Variants in CDC73 observed in about 807,000 individuals in gnomAD.
CDC73 encodes cell division cycle 73, also known as parafibromin.
In CDC73, 21 loss-of-function variants were observed where a neutral mutation model predicts 83.7. The ratio of observed to expected loss-of-function variants is 0.25; its 90% CI spans 0.18 to 0.36. The LOEUF (loss-of-function observed/expected upper bound fraction) is 0.36, where lower values mean the gene tolerates loss of function less well. Among genes scored for constraint, CDC73 ranks in the 10% least tolerant of loss-of-function variants. The pLI, the probability that CDC73 is intolerant of heterozygous loss-of-function variation, is 1.00. For synonymous variants in CDC73, 224 were observed against 212.9 expected, an observed-to-expected ratio of 1.05 and a Z score of -0.45; for missense variants, 342 against 653.3, an observed-to-expected ratio of 0.52 and a Z score of 5.19.
chr1:193,226,576 T>C (rs1677571028), intron 13 of CDC73, among the ~76,000 whole-genome samples: 1 of 152,230 alleles, frequency 6.6e-6, no homozygotes, highest in African/African-American at 2.4e-5. Flanking sequence ...ATTGAGATGA[T>C]CATGTGATTT....
At chr1:193,221,968 T>C (rs896770470) in intron 13 of CDC73, among the ~76,000 whole-genome samples, 2 of 152,170 alleles carry the variant, frequency 1.3e-5, no homozygotes, top group African/African-American at 2.4e-5. Flanking sequence ...GCAAATAGCA[T>C]AGATTCTATT....
intron 3 of CDC73, among the ~76,000 whole-genome samples, chr1:193,132,794 A>T (rs1675718385): frequency 6.6e-6 from 1 of 151,812 alleles, no homozygotes; most frequent in Admixed American, 6.6e-5. Context: ...GGTGAGCCTG[A>T]TAAATAGGCT....
chr1:193,130,001 A>G (rs982378350), intron 2 of CDC73, among the ~76,000 whole-genome samples, 173 bp from the exon 3 acceptor site: 3 of 152,006 alleles, frequency 2.0e-5, no homozygotes, highest in African/African-American at 7.3e-5. Flanking sequence ...ATGTTTAATA[A>G]ATTTTCAGGA....
intron 10 of CDC73, among the ~76,000 whole-genome samples, chr1:193,187,340 C>T (rs548128334): frequency 2.6e-5 from 4 of 152,152 alleles, no homozygotes; most frequent in Admixed American, 1.3e-4. Context: ...AGATATAGCA[C>T]ACTTGTACAG....
intron 15 of CDC73, among the ~76,000 whole-genome samples, chr1:193,247,025 T>C (rs1002334993): frequency 9.2e-5 from 14 of 152,142 alleles, no homozygotes. Context: ...ATCAGTGCCT[T>C]TGCAAGGTTT....
intron 10 of CDC73, among the ~76,000 whole-genome samples, chr1:193,196,843 T>C (rs539211681): frequency 1.3e-5 from 2 of 152,314 alleles, no homozygotes; most frequent in African/African-American, 4.8e-5. Context: ...ATATAACTTT[T>C]TTGGTGTCAT....
chr1:193,167,145 G>A (rs995306903), intron 10 of CDC73, among the ~76,000 whole-genome samples: 1 of 152,156 alleles, frequency 6.6e-6, no homozygotes. Context: ...AAATAGTGTA[G>A]TAGAATTCTT....
intron 13 of CDC73, among the ~76,000 whole-genome samples, chr1:193,216,968 C>T (rs1677378549): frequency 6.6e-6 from 1 of 152,166 alleles, no homozygotes; most frequent in Non-Finnish European, 1.5e-5. Context: ...TATGACAGTC[C>T]TACAGCCAAC....
In CDC73 at chr1:193,247,731, C is replaced by G. The variant is rs150737701; in HGVS notation, c.1418-1999C>G. Among the ~76,000 whole-genome samples, 12 of 152,144 alleles carry G rather than the reference C, an allele frequency of 7.9e-5. No homozygotes were observed. The East Asian group carries it at 2.3e-3, about 29-fold the overall frequency. On this transcript the variant is annotated intron_variant, in intron 15 of 16. Transcript: ENST00000367435. ...GGGAAAGCTTGATTGGTATGGAAAG[C>G]AGATCAAACCAGCCATAATATTCTG...
intron 1 of CDC73, among the ~76,000 whole-genome samples, chr1:193,124,742 A>G (rs1381648605): frequency 6.6e-6 from 1 of 152,198 alleles, no homozygotes; most frequent in Non-Finnish European, 1.5e-5. Context: ...TTTTACATTT[A>G]GCACCAGTGA....
chr1:193,171,855 A>G (rs1676522442), intron 10 of CDC73, among the ~76,000 whole-genome samples: 1 of 152,210 alleles, frequency 6.6e-6, no homozygotes, highest in Non-Finnish European at 1.5e-5. Flanking sequence ...TAATAAATGA[A>G]AAAAAGATGT....
chr1:193,155,204 G>T (rs1676185785), intron 10 of CDC73, among the ~76,000 whole-genome samples: 1 of 152,198 alleles, frequency 6.6e-6, no homozygotes, highest in African/African-American at 2.4e-5. Flanking sequence ...ATGGGTTAGT[G>T]AAAGTTTTTA....
At chr1:193,146,083 G>A (rs1675995662) in intron 7 of CDC73, among the ~76,000 whole-genome samples, 1 of 152,138 alleles carries the variant, frequency 6.6e-6, no homozygotes, top group African/African-American at 2.4e-5. Context: ...TCCCAGCCAA[G>A]GAAACAGAAT....
At chr1:193,173,506 T>C (rs1676554037) in intron 10 of CDC73, among the ~76,000 whole-genome samples, 1 of 152,198 alleles carries the variant, frequency 6.6e-6, no homozygotes, top group African/African-American at 2.4e-5. Flanking sequence ...ATAAATAATA[T>C]TGATGTAATC....
chr1:193,248,902 C>T lies in CDC73; in HGVS notation c.1418-828C>T, dbSNP rs531521332. ...TAGAATTCACTCCAGTGAGCACTTT[C>T]GTGAAGATGCCATAAACGTTGTTGA... On this transcript the variant is annotated intron_variant, in intron 15 of 16. Transcript: ENST00000367435. Among the ~76,000 whole-genome samples the T allele has an allele frequency of 2.3e-4, 35 of 152,040 alleles. No homozygotes were observed. In the South Asian group the frequency reaches 6.2e-3, roughly 27 times the overall value.
intron 6 of CDC73, among the ~76,000 whole-genome samples, chr1:193,141,637 A>C (rs1292626121): frequency 6.6e-6 from 1 of 152,208 alleles, no homozygotes; most frequent in Non-Finnish European, 1.5e-5. Flanking sequence ...CTTCTAAGAA[A>C]TTACTAATTT....
intron 10 of CDC73, among the ~76,000 whole-genome samples, chr1:193,197,312 A>G (rs1677017733): frequency 6.6e-6 from 1 of 152,142 alleles, no homozygotes; most frequent in Admixed American, 6.6e-5. Context: ...CATGGTATAT[A>G]ATACTTTTAA....
At chr1:193,201,820 A>G (rs990962554) in intron 10 of CDC73, among the ~76,000 whole-genome samples, 3 of 152,112 alleles carry the variant, frequency 2.0e-5, no homozygotes, top group African/African-American at 7.2e-5. Context: ...GTTATATAAT[A>G]CAGGTGTACA....
intron 10 of CDC73, among the ~76,000 whole-genome samples, chr1:193,161,581 AAT>A (rs1262238836): frequency 3.2e-5 from 4 of 125,506 alleles, no homozygotes; most frequent in African/African-American, 9.0e-5. Context: ...ATTATTATAT[AAT>A]ATATAATAGA....
Sources: allele counts gnomAD v4.1 joint callset (sites outside exome capture counted in the v4.1 genomes callset), GRCh38; gene constraint gnomAD v4.1.1; transcripts MANE v1.5; gene names NCBI Gene and HGNC (gene_info 2026-07-23, HGNC 2026-07-21).